The following SLC9A9 variants were observed in gnomAD, a reference collection of about 807,000 sequenced individuals.
The protein encoded by SLC9A9 is solute carrier family 9 member A9.
A neutral mutation model predicts 77.8 loss-of-function variants in SLC9A9; 62 were observed. The observed-to-expected ratio is 0.80, with a 90% CI of 0.65 to 0.98. SLC9A9 has a LOEUF of 0.98. Ranked by LOEUF, SLC9A9 falls within the 50% of genes least tolerant of loss-of-function variation. The pLI is 0.00. For synonymous variants in SLC9A9, 320 were observed against 283.5 expected, an observed-to-expected ratio of 1.13 and a Z score of -1.29; for missense variants, 775 against 774.9, an observed-to-expected ratio of 1.00 and a Z score of 0.00.
At chr3:143,345,696 G>GGCC (rs2032248333) in intron 14 of SLC9A9, among the ~76,000 whole-genome samples, 1 of 152,326 alleles carries the variant, frequency 6.6e-6, no homozygotes, top group South Asian at 2.1e-4. Flanking sequence ...CTCTGCAGGT[G>GGCC]TGTAAATCTC....
intron 6 of SLC9A9, among the ~76,000 whole-genome samples, chr3:143,642,418 G>T (rs2038639238): frequency 6.6e-6 from 1 of 152,040 alleles, no homozygotes; most frequent in Non-Finnish European, 1.5e-5. Context: ...CCTCCTCTAG[G>T]TGGAGGCTTA....
chr3:143,823,938 T>C (rs2009236357), intron 2 of SLC9A9, among the ~76,000 whole-genome samples: 1 of 152,160 alleles, frequency 6.6e-6, no homozygotes, highest in African/African-American at 2.4e-5. Flanking sequence ...TGCTTTATAA[T>C]GTATAGAGTA....
intron 2 of SLC9A9, among the ~76,000 whole-genome samples, chr3:143,803,953 G>C (rs866617806): frequency 6.6e-6 from 1 of 152,012 alleles, no homozygotes; most frequent in Non-Finnish European, 1.5e-5. Context: ...GCAAGCTGCC[G>C]TCCTCCTCCA....
At chr3:143,285,556 T>G (rs538270271) in intron 14 of SLC9A9, among the ~76,000 whole-genome samples, 4 of 152,264 alleles carry the variant, frequency 2.6e-5, no homozygotes, top group Admixed American at 6.5e-5. Flanking sequence ...CAGTGCAGCA[T>G]GATCCCTTCC....
chr3:143,692,896 T>C (rs1933513947), intron 5 of SLC9A9, among the ~76,000 whole-genome samples: 1 of 152,140 alleles, frequency 6.6e-6, no homozygotes, highest in Non-Finnish European at 1.5e-5. Context: ...TTCAAAGCCA[T>C]CTTGGGCTGC....
At chr3:143,609,709 A>C (rs561954134) in intron 6 of SLC9A9, among the ~76,000 whole-genome samples, 8 of 152,324 alleles carry the variant, frequency 5.3e-5, no homozygotes, top group African/African-American at 1.7e-4. Flanking sequence ...AATAAGAGAT[A>C]ATACTAAACA....
rs544665184 is a variant in SLC9A9, at chr3:143,665,079, G to T, written c.650-12719C>A. ...ACTTATTCCAAAATTGACCACATAG[G>T]TGGAAGTAAAGCACTCCTCAGCAAA... is the stretch of plus-strand genomic sequence containing the variant. On this transcript the variant is annotated intron_variant, in intron 5 of 15. Coordinates refer to ENST00000316549, the MANE Select transcript of SLC9A9 (RefSeq NM_173653.4). 7.6e-3 allele frequency among the ~76,000 whole-genome samples: 1,158 copies of T among 152,172 alleles called. 3 individuals are homozygous for T. The highest frequency in any genetic ancestry group is 0.012 in the Admixed American group (189 of 15,280).
rs142403921 is a variant in SLC9A9 at position 143,580,084 on chromosome 3, G to A, written c.756-1361C>T. ...TTGAAGTGTTTTTCTTTTTTGTAAA[G>A]TGTTGTGCTTTGCAGGAAAAAAGGA... On this transcript the variant is annotated intron_variant, in intron 6 of 15. Transcript: ENST00000316549. 3.9e-3 allele frequency among the ~76,000 whole-genome samples: 596 copies of A among 152,256 alleles called. 4 individuals carry two copies. The highest frequency in any genetic ancestry group is 0.014 in the African/African-American group (568 of 41,554).
In SLC9A9 at chr3:143,785,855, T is replaced by C. The variant is rs1395791213; in HGVS notation, c.533+9146A>G. Among the ~76,000 whole-genome samples, 190 of 134,190 alleles carry C rather than the reference T, an allele frequency of 1.4e-3. 9 individuals carry two copies. The highest frequency in any genetic ancestry group is 6.0e-3 in the East Asian group (29 of 4,858). The allele number at this position is 134,190 out of a possible 152,430, so 88.0% of individuals were successfully genotyped here. A position where few individuals can be genotyped will look rare whatever the true frequency, so the allele number is the denominator to read the frequency against. On this transcript the variant is annotated intron_variant, in intron 4 of 15. Coordinates refer to ENST00000316549, the MANE Select transcript of SLC9A9 (RefSeq NM_173653.4). ...AAGACTTGAATTTTTCTTTTTTTTT[T>C]TTTTTTTTTTTTTTTTTTTGAGACG...
At chr3:143,532,738 T>C (rs1271891409) in intron 9 of SLC9A9, among the ~76,000 whole-genome samples, 6 of 152,318 alleles carry the variant, frequency 3.9e-5, no homozygotes, top group East Asian at 3.9e-4. Flanking sequence ...TATAACTCTA[T>C]GATTTAATGA....
chr3:143,590,279 T>C (rs2037624815), intron 6 of SLC9A9, among the ~76,000 whole-genome samples: 1 of 152,208 alleles, frequency 6.6e-6, no homozygotes, highest in Non-Finnish European at 1.5e-5. Context: ...TATGTTAATA[T>C]GTGTATAGTG....
At chr3:143,649,391 T>C (rs767835238) in intron 6 of SLC9A9, among the ~76,000 whole-genome samples, 2 of 152,210 alleles carry the variant, frequency 1.3e-5, no homozygotes, top group East Asian at 1.9e-4. Context: ...TAAATAAAGT[T>C]ATTTGCATTT....
At position 143,704,109 on chromosome 3, in the gene SLC9A9, G is replaced by A. The variant is rs984143751; in HGVS notation, c.534-10802C>T. ...AATGTCTCCCAGTAAAGAAAAGCCCGGGGAACCCAGTGGCTTTACTGCTTC... is the reference window on the plus strand; with the variant it reads ...AATGTCTCCCAGTAAAGAAAAGCCCAGGGAACCCAGTGGCTTTACTGCTTC... On this transcript the variant is annotated intron_variant, in intron 4 of 15. Transcript: ENST00000316549. Among the ~76,000 whole-genome samples the A allele has an allele frequency of 8.5e-5, 13 of 152,092 alleles. 1 individual carries two copies. The South Asian group carries it at 1.5e-3, about 17-fold the overall frequency.
rs564019929 is a variant in SLC9A9 at position 143,836,437 on chromosome 3, G to GA, written c.176-4217_176-4216insT. Among the ~76,000 whole-genome samples, 567 of 152,268 alleles carry GA rather than the reference G, an allele frequency of 3.7e-3. 5 individuals carry two copies. Among genetic ancestry groups the GA allele is most frequent in the African/African-American group, 0.013 (545 of 41,552 alleles). On this transcript the variant is annotated intron_variant, in intron 1 of 15. Coordinates refer to ENST00000316549, the MANE Select transcript of SLC9A9 (RefSeq NM_173653.4). ...AGCTCCCTGGAGTCAAGAAGAAAAGGTCCTCCGAGTTTATGTAGTCAGTCA... is the reference window on the plus strand; with the variant it reads ...AGCTCCCTGGAGTCAAGAAGAAAAGGATCCTCCGAGTTTATGTAGTCAGTCA...
chr3:143,505,148 G>A (rs542402141), intron 9 of SLC9A9, among the ~76,000 whole-genome samples: 9 of 151,778 alleles, frequency 5.9e-5, no homozygotes, highest in Non-Finnish European at 8.8e-5. Flanking sequence ...GGCTTGAGGC[G>A]GGGGATACTT....
At chr3:143,737,669 C>T (rs1366672042) in intron 4 of SLC9A9, among the ~76,000 whole-genome samples, 1 of 152,138 alleles carries the variant, frequency 6.6e-6, no homozygotes, top group Non-Finnish European at 1.5e-5. Context: ...AATGTGCTAT[C>T]CTATACTAAT....
chr3:143,410,593 G>A (rs2034077886), intron 12 of SLC9A9, among the ~76,000 whole-genome samples: 1 of 152,100 alleles, frequency 6.6e-6, no homozygotes, highest in Non-Finnish European at 1.5e-5. Context: ...CTGTATCTCA[G>A]GACTTTATTA....
At chr3:143,625,276 T>C (rs1269465976) in intron 6 of SLC9A9, among the ~76,000 whole-genome samples, 1 of 152,182 alleles carries the variant, frequency 6.6e-6, no homozygotes. Context: ...TTAAAGTTCA[T>C]ATGGAGCCAA....
chr3:143,282,009 C>T (rs979765731), intron 14 of SLC9A9, among the ~76,000 whole-genome samples: 1 of 152,162 alleles, frequency 6.6e-6, no homozygotes, highest in Admixed American at 6.5e-5. Context: ...AATGCTGTTC[C>T]CTCCATTTGG....
Sources: allele counts gnomAD v4.1 joint callset (sites outside exome capture counted in the v4.1 genomes callset), GRCh38; gene constraint gnomAD v4.1.1; transcripts MANE v1.5; gene names NCBI Gene and HGNC (gene_info 2026-07-23, HGNC 2026-07-21).